Variants in MIPEP observed in about 807,000 individuals in gnomAD.
MIPEP encodes mitochondrial intermediate peptidase.
In MIPEP, 79 loss-of-function variants were observed where a neutral mutation model predicts 90.3. That is an observed-to-expected ratio of 0.87 (90% CI 0.73 to 1.05). The LOEUF (loss-of-function observed/expected upper bound fraction) is 1.05. Ranked by LOEUF, MIPEP falls within the 50% of genes least tolerant of loss-of-function variation. MIPEP has a pLI of 0.00. For missense variants in MIPEP, 940 were observed against 905.6 expected (o/e 1.04, Z -0.49); for synonymous variants, 334 against 315.8 (o/e 1.06, Z -0.61).
In MIPEP at chr13:23,760,217, C is replaced by T. The variant is rs1401500997; in HGVS notation, c.1849G>A (p.Ala617Thr). ...FYGLPYVPNT[A>T]WQLRFSHLVG... ...AGGTGGCTGAATCGCAGCTGCCAGG[C>T]CTGCCAAGAACAGAGAGACACAGCA... The change falls in exon 17 of 19, where the codon GCC (alanine) becomes ACC (threonine). Residue 617 changes from alanine to threonine, a missense_variant and splice_region_variant. Coordinates refer to ENST00000382172, the MANE Select transcript of MIPEP (RefSeq NM_005932.4). 1.2e-6 allele frequency: 2 copies of T among 1,613,940 alleles called. No individual in the cohort carries two copies. The highest frequency in any genetic ancestry group is 2.2e-5 in the South Asian group (2 of 91,078).
chr13:23,798,287 T>C lies in MIPEP; in HGVS notation c.1848+7663A>G, dbSNP rs1027615829. Among the ~76,000 whole-genome samples, 9 of 152,212 alleles carry C rather than the reference T, an allele frequency of 5.9e-5. 1 individual carries two copies. Among genetic ancestry groups the C allele is most frequent in the African/African-American group, 1.7e-4 (7 of 41,456 alleles). On this transcript the variant is annotated intron_variant, in intron 16 of 18. Transcript: ENST00000382172. ...TTTGGCAGTTTTTTTCTAAAAACAGTTTGTTACACATAGAAAATTATACTT... is the reference window on the plus strand; with the variant it reads ...TTTGGCAGTTTTTTTCTAAAAACAGCTTGTTACACATAGAAAATTATACTT...
chr13:23,834,281 A>G (rs73158589), intron 14 of MIPEP, among the ~76,000 whole-genome samples: 9 of 152,228 alleles, frequency 5.9e-5, no homozygotes, highest in Non-Finnish European at 1.2e-4. Context: ...GAAAGCCTTT[A>G]CTGGCTGCTG....
In MIPEP at chr13:23,836,363, A is replaced by G. The variant is rs758159332; in HGVS notation, c.1544-14T>C. 1 of 1,517,500 alleles carries G rather than the reference A, an allele frequency of 6.6e-7. No homozygotes were observed. The highest frequency in any genetic ancestry group is 1.3e-5 in the South Asian group (1 of 76,810). 94.0% of individuals were successfully genotyped at this position (1,517,500 alleles called of 1,614,324 possible). On this transcript the variant is annotated splice_polypyrimidine_tract_variant and intron_variant, in intron 13 of 18. Coordinates refer to ENST00000382172, the MANE Select transcript of MIPEP (RefSeq NM_005932.4). Reference sequence around the variant, plus strand: ...GGCACCTGGTCCCTAAAACAAGAAAAAAAAAAAAGTTGGCATGAATCAAAT... The same window carrying G: ...GGCACCTGGTCCCTAAAACAAGAAAGAAAAAAAAGTTGGCATGAATCAAAT...
chr13:23,738,595 G>A (rs558576125), intron 18 of MIPEP, among the ~76,000 whole-genome samples: 35 of 151,434 alleles, frequency 2.3e-4, no homozygotes, highest in African/African-American at 8.2e-4. Flanking sequence ...CTATAGGAAT[G>A]CACCACCACG....
chr13:23,862,438 G>A (rs1870350184), intron 8 of MIPEP, 76 bp from the exon 9 acceptor site: 5 of 797,146 alleles, frequency 6.3e-6, no homozygotes, highest in Non-Finnish European at 1.0e-5. Context: ...GTTTGCTTAT[G>A]TTACATTCCA....
Position 23,859,105 on chromosome 13 carries a change from A to G in MIPEP, c.1054-193T>C, listed in dbSNP as rs9553082. On this transcript the variant is annotated intron_variant, in intron 9 of 18. Transcript: ENST00000382172. ...TTATTTTGACTTCCCTGTAATCAAG[A>G]GATAGTGAAGTATAACTAAGACCTA... 0.94 allele frequency among the ~76,000 whole-genome samples: 143,015 copies of G among 152,242 alleles called. 67,207 individuals carry two copies. The highest frequency in any genetic ancestry group is 1 in the East Asian group (5,179 of 5,180).
chr13:23,836,871 C>T (rs1049854688), intron 13 of MIPEP, among the ~76,000 whole-genome samples: 11 of 152,204 alleles, frequency 7.2e-5, no homozygotes, highest in Non-Finnish European at 1.3e-4. Context: ...TGACATTTAA[C>T]GATTGTGTTC....
intron 16 of MIPEP, among the ~76,000 whole-genome samples, chr13:23,789,660 T>C (rs894713462): frequency 2.1e-4 from 32 of 152,326 alleles, no homozygotes; most frequent in African/African-American, 7.5e-4. Flanking sequence ...AAAGAAATAC[T>C]GTACTTCTAT....
At chr13:23,741,611 C>T (rs1952329579) in intron 18 of MIPEP, among the ~76,000 whole-genome samples, 1 of 151,914 alleles carries the variant, frequency 6.6e-6, no homozygotes, top group Admixed American at 6.6e-5. Flanking sequence ...TAAGTGGGAG[C>T]TAAATAATGA....
chr13:23,798,071 G>C (rs1487066576), intron 16 of MIPEP, among the ~76,000 whole-genome samples: 1 of 152,094 alleles, frequency 6.6e-6, no homozygotes, highest in African/African-American at 2.4e-5. Flanking sequence ...GCACGTAGTA[G>C]GCACTTAATA....
At chr13:23,780,594 G>C (rs771701505) in intron 16 of MIPEP, among the ~76,000 whole-genome samples, 1 of 152,228 alleles carries the variant, frequency 6.6e-6, no homozygotes, top group Non-Finnish European at 1.5e-5. Flanking sequence ...ACGGAATAAA[G>C]CTGGATGGAG....
chr13:23,798,119 A>C (rs1334982996), intron 16 of MIPEP, among the ~76,000 whole-genome samples: 3 of 152,272 alleles, frequency 2.0e-5, no homozygotes, highest in African/African-American at 4.8e-5. Flanking sequence ...ATCAATTATT[A>C]AAAATTTGTA....
intron 10 of MIPEP, among the ~76,000 whole-genome samples, chr13:23,854,914 T>TAAAC (rs1284025106): frequency 7.5e-5 from 11 of 146,920 alleles, no homozygotes; most frequent in Admixed American, 2.0e-4. Flanking sequence ...AAAAAAACAA[T>TAAAC]AAACAAACAA....
At chr13:23,884,947 T>TCCTTCAAGCAG (rs1871413723) in intron 2 of MIPEP, among the ~76,000 whole-genome samples, 2 of 152,172 alleles carry the variant, frequency 1.3e-5, no homozygotes, top group Non-Finnish European at 2.9e-5. Flanking sequence ...TCCTTCAAGC[T>TCCTTCAAGCAG]GATAGGAAAC....
chr13:23,782,111 G>A (rs1952789035), intron 16 of MIPEP, among the ~76,000 whole-genome samples: 1 of 152,152 alleles, frequency 6.6e-6, no homozygotes. Flanking sequence ...AGACCTAATA[G>A]ACACCTACAG....
chr13:23,870,395 T>G (rs1158794716), intron 5 of MIPEP, among the ~76,000 whole-genome samples, 200 bp from the exon 6 acceptor site: 1 of 151,996 alleles, frequency 6.6e-6, no homozygotes, highest in African/African-American at 2.4e-5. Flanking sequence ...ATATTTAATA[T>G]TCTAACAAAA....
chr13:23,870,295 G>T, intron 5 of MIPEP, 100 bp from the exon 6 acceptor site: 1 of 637,186 alleles, frequency 1.6e-6, no homozygotes, highest in Non-Finnish European at 2.3e-6. Context: ...CATATATATT[G>T]TTGAATTATC....
chr13:23,860,570 G>C (rs1284036549), intron 9 of MIPEP, among the ~76,000 whole-genome samples: 1 of 152,188 alleles, frequency 6.6e-6, no homozygotes, highest in Non-Finnish European at 1.5e-5. Context: ...AGGGTAGTAG[G>C]AAGGGAAACT....
chr13:23,745,190 C>CT (rs1236594321), intron 18 of MIPEP, among the ~76,000 whole-genome samples: 1 of 151,926 alleles, frequency 6.6e-6, no homozygotes, highest in African/African-American at 2.4e-5. Flanking sequence ...TAACCAGGGA[C>CT]TATTCAATAA....
Sources: allele counts gnomAD v4.1 joint callset (sites outside exome capture counted in the v4.1 genomes callset), GRCh38; gene constraint gnomAD v4.1.1; transcripts MANE v1.5; gene names NCBI Gene and HGNC (gene_info 2026-07-23, HGNC 2026-07-21).